Variants in KCNH1 observed in about 807,000 individuals in gnomAD.
The protein encoded by KCNH1 is potassium voltage-gated channel subfamily H member 1, also known as voltage-gated delayed rectifier potassium channel KCNH1.
In KCNH1, 27 loss-of-function variants were observed where a neutral mutation model predicts 69.2. The ratio of observed to expected loss-of-function variants is 0.39; its 90% CI spans 0.29 to 0.54. The LOEUF (loss-of-function observed/expected upper bound fraction) is 0.54, where lower values mean the gene tolerates loss of function less well. KCNH1 is among the 20% of genes least tolerant of loss of function. The pLI is 0.68. For synonymous variants in KCNH1, 456 were observed against 487.7 expected (o/e 0.93, Z 0.86); for missense variants, 798 against 1,261.6 (o/e 0.63, Z 5.57).
At chr1:210,979,083 T>A (rs115595539) in intron 6 of KCNH1, among the ~76,000 whole-genome samples, 1 of 152,142 alleles carries the variant, frequency 6.6e-6, no homozygotes, top group Non-Finnish European at 1.5e-5. Context: ...ATTTCTGAGA[T>A]TGTCAATTCC....
chr1:211,022,779 T>C (rs1018492816), intron 5 of KCNH1, among the ~76,000 whole-genome samples: 1 of 151,964 alleles, frequency 6.6e-6, no homozygotes, highest in East Asian at 1.9e-4. Context: ...TGAAATGTAA[T>C]CTCATCCCAG....
intron 5 of KCNH1, among the ~76,000 whole-genome samples, chr1:211,032,886 T>G (rs1217372194): frequency 1.3e-5 from 2 of 152,134 alleles, no homozygotes; most frequent in Admixed American, 6.5e-5. Context: ...AAAAGCAATG[T>G]CAACAAAAGC....
chr1:210,961,998 C>G (rs905247325), intron 6 of KCNH1, among the ~76,000 whole-genome samples: 1 of 152,134 alleles, frequency 6.6e-6, no homozygotes, highest in Non-Finnish European at 1.5e-5. Flanking sequence ...TTGGGTGGCC[C>G]TTTCCTTGAC....
At chr1:210,733,039 G>C (rs1682782152) in intron 10 of KCNH1, among the ~76,000 whole-genome samples, 2 of 152,212 alleles carry the variant, frequency 1.3e-5, no homozygotes, top group South Asian at 4.1e-4. Context: ...AAGTCTCTGA[G>C]AGTTAAAAGA....
intron 3 of KCNH1, among the ~76,000 whole-genome samples, chr1:211,101,254 A>G (rs2102481623): frequency 6.6e-6 from 1 of 152,310 alleles, no homozygotes; most frequent in Non-Finnish European, 1.5e-5. Flanking sequence ...CCTAGCAGCA[A>G]GCCTACTGTT....
chr1:210,983,833 AT>A (rs1410817518), intron 6 of KCNH1, among the ~76,000 whole-genome samples: 3 of 152,178 alleles, frequency 2.0e-5, no homozygotes, highest in Non-Finnish European at 4.4e-5. Flanking sequence ...CTTGATGGGA[AT>A]GGCATTCAAT....
chr1:211,002,719 T>C (rs1689211810), intron 6 of KCNH1, among the ~76,000 whole-genome samples: 1 of 151,890 alleles, frequency 6.6e-6, no homozygotes, highest in African/African-American at 2.4e-5. Context: ...TTAGCCAAAC[T>C]GAAGAGTATC....
intron 7 of KCNH1, among the ~76,000 whole-genome samples, chr1:210,872,084 A>T (rs1325225423): frequency 6.6e-6 from 1 of 151,524 alleles, no homozygotes; most frequent in African/African-American, 2.4e-5. Context: ...AAATATATAC[A>T]TAATATGATC....
intron 7 of KCNH1, among the ~76,000 whole-genome samples, chr1:210,910,325 G>T (rs1286017526): frequency 6.7e-6 from 1 of 149,718 alleles, no homozygotes; most frequent in South Asian, 2.1e-4. Flanking sequence ...GCAAAATGTT[G>T]CAATCCCTGT....
chr1:210,976,121 G>A (rs993117164), intron 6 of KCNH1, among the ~76,000 whole-genome samples: 4 of 152,038 alleles, frequency 2.6e-5, no homozygotes, highest in African/African-American at 9.7e-5. Flanking sequence ...GAGAGGATAT[G>A]GAGAAATAGG....
chr1:210,904,941 A>G (rs1445082777), intron 7 of KCNH1, among the ~76,000 whole-genome samples: 1 of 152,100 alleles, frequency 6.6e-6, no homozygotes, highest in Non-Finnish European at 1.5e-5. Context: ...AACTAAGGGG[A>G]TGTGAGGGGG....
chr1:211,026,584 G>A (rs1025774998), intron 5 of KCNH1, among the ~76,000 whole-genome samples: 6 of 152,088 alleles, frequency 3.9e-5, no homozygotes, highest in South Asian at 4.1e-4. Flanking sequence ...CCCCTTTCTC[G>A]AAGCTGTAAT....
In KCNH1 at chr1:210,950,001, G is replaced by T. The variant is rs537475679; in HGVS notation, c.1033-29932C>A. 5.9e-5 allele frequency among the ~76,000 whole-genome samples: 9 copies of T among 152,322 alleles called. No homozygotes were observed. The East Asian group carries it at 1.5e-3, about 26-fold the overall frequency. On this transcript the variant is annotated intron_variant, in intron 6 of 10. Transcript: ENST00000271751. The stretch of plus-strand genomic sequence containing the variant: ...AGTATACTTCTAAAACTAGAAGCCA[G>T]TGAGGAAAAGATTGCCAAGCCACAC...
chr1:210,807,347 G>A lies in KCNH1; in HGVS notation c.1463-3181C>T, dbSNP rs534192033. Among the ~76,000 whole-genome samples, 157 of 152,206 alleles carry A rather than the reference G, an allele frequency of 1.0e-3. 1 individual carries two copies. The South Asian group carries it at 0.018, about 18-fold the overall frequency. Reference sequence around the variant, plus strand: ...AAGCCAGGCACAGTGGCTCATGCCTGTAATCCCAGCACTTTGGGAGGCCAA... The same window carrying A: ...AAGCCAGGCACAGTGGCTCATGCCTATAATCCCAGCACTTTGGGAGGCCAA... On this transcript the variant is annotated intron_variant, in intron 7 of 10. Transcript: ENST00000271751.
At chr1:211,023,140 AAATAAATAAATAAATAAATAAATT>A (rs1436236079) in intron 5 of KCNH1, among the ~76,000 whole-genome samples, 1 of 146,510 alleles carries the variant, frequency 6.8e-6, no homozygotes, top group East Asian at 2.0e-4. Flanking sequence ...ATAAATAAAT[AAATAAATAAATAAATAAATAAATT>A]AAAAATGCTG....
At chr1:210,685,144 T>C (rs1487329561) in intron 10 of KCNH1, among the ~76,000 whole-genome samples, 1 of 152,242 alleles carries the variant, frequency 6.6e-6, no homozygotes, top group Non-Finnish European at 1.5e-5. Context: ...GGCCTTCCCC[T>C]GGGTCAGCAT....
intron 1 of KCNH1, chr1:211,108,615 A>C (rs2102487268): frequency 6.6e-6 from 1 of 152,372 alleles, no homozygotes; most frequent in African/African-American, 2.4e-5. Flanking sequence ...AAGACTTGGA[A>C]GAAGACAGGG....
At chr1:210,926,857 T>C (rs1399375703) in intron 6 of KCNH1, among the ~76,000 whole-genome samples, 9 of 151,930 alleles carry the variant, frequency 5.9e-5, no homozygotes, top group Non-Finnish European at 1.2e-4. Flanking sequence ...GTGAAATAGA[T>C]AGCATAAATT....
intron 6 of KCNH1, among the ~76,000 whole-genome samples, chr1:210,997,199 C>T (rs765135840): frequency 9.2e-5 from 14 of 152,094 alleles, no homozygotes; most frequent in Admixed American, 2.0e-4. Flanking sequence ...AGGCTTCAGA[C>T]GATCAAACTA....
Sources: gnomAD v4.1 joint callset for allele counts (sites outside exome capture counted in the v4.1 genomes callset) on GRCh38, gnomAD v4.1.1 for gene constraint, MANE v1.5 for transcripts, NCBI Gene and HGNC (gene_info 2026-07-23, HGNC 2026-07-21) for gene names.